SGCD: variants seen among roughly 807,000 people sequenced by gnomAD.
The protein encoded by SGCD is sarcoglycan delta.
SGCD carries 18 observed loss-of-function variants against 36.6 expected under a neutral mutation model. The observed-to-expected ratio is 0.49, with a 90% CI of 0.34 to 0.73. The LOEUF (loss-of-function observed/expected upper bound fraction) is 0.73. SGCD is among the 30% of genes least tolerant of loss of function. The pLI, the probability that SGCD is intolerant of heterozygous loss-of-function variation, is 0.01. For missense variants in SGCD, 387 were observed against 346.7 expected, an observed-to-expected ratio of 1.12 and a Z score of -0.92; for synonymous variants, 133 against 130.6, an observed-to-expected ratio of 1.02 and a Z score of -0.12.
At chr5:156,038,979 C>T (rs1281938849) in intron 1 of SGCD, among the ~76,000 whole-genome samples, 1 of 152,126 alleles carries the variant, frequency 6.6e-6, no homozygotes, top group Non-Finnish European at 1.5e-5. Flanking sequence ...CCTGCTTGCT[C>T]GCTCTTCAAT....
intron 3 of SGCD, among the ~76,000 whole-genome samples, chr5:156,251,905 A>G (rs1240518784): frequency 2.0e-5 from 3 of 152,074 alleles, no homozygotes; most frequent in Non-Finnish European, 4.4e-5. Flanking sequence ...CTCCTCATTA[A>G]CCTTGGACCA....
chr5:155,898,812 ACT>A (rs1402165807), intron 1 of SGCD, among the ~76,000 whole-genome samples: 1 of 152,000 alleles, frequency 6.6e-6, no homozygotes, highest in Non-Finnish European at 1.5e-5. Flanking sequence ...AGAGAAGGAA[ACT>A]CTCTTAACAC....
intron 1 of SGCD, among the ~76,000 whole-genome samples, chr5:155,890,376 C>A (rs1161186741): frequency 6.6e-6 from 1 of 152,128 alleles, no homozygotes; most frequent in Non-Finnish European, 1.5e-5. Context: ...GTAATCCCAG[C>A]ACTTTGGGAG....
chr5:156,069,768 A>G (rs891785972), intron 1 of SGCD, among the ~76,000 whole-genome samples: 1 of 92,618 alleles, frequency 1.1e-5, no homozygotes, highest in Non-Finnish European at 2.2e-5. Context: ...ATGGAATGAA[A>G]ATGTTCTTCC....
At chr5:155,985,706 A>C (rs886760520) in intron 1 of SGCD, among the ~76,000 whole-genome samples, 69 of 152,304 alleles carry the variant, frequency 4.5e-4, no homozygotes, top group Non-Finnish European at 5.9e-5. Context: ...TTCCCTAGAA[A>C]CAAAGCTAAT....
chr5:156,575,979 G>A (rs1307754562), intron 4 of SGCD, among the ~76,000 whole-genome samples: 7 of 152,104 alleles, frequency 4.6e-5, no homozygotes, highest in Non-Finnish European at 7.4e-5. Context: ...CAACATGCAG[G>A]TTTGTTACAT....
At chr5:156,568,726 G>A (rs983419530) in intron 4 of SGCD, among the ~76,000 whole-genome samples, 1 of 152,236 alleles carries the variant, frequency 6.6e-6, no homozygotes, top group African/African-American at 2.4e-5. Context: ...GATTTGCTTA[G>A]TGAATGTCAG....
intron 1 of SGCD, among the ~76,000 whole-genome samples, chr5:156,089,750 G>T (rs1367349879): frequency 6.6e-6 from 1 of 152,210 alleles, no homozygotes; most frequent in African/African-American, 2.4e-5. Context: ...CATAAAACAT[G>T]TCCTTGCATT....
chr5:156,546,890 G>C (rs77210148), intron 4 of SGCD, among the ~76,000 whole-genome samples: 2,675 of 152,194 alleles, frequency 0.018, 31 homozygotes, highest in Non-Finnish European at 0.029. Context: ...ATCAGGAGGA[G>C]GTCCTTGATG....
chr5:156,749,997 A>AAAAG (rs1757092482), intron 7 of SGCD, among the ~76,000 whole-genome samples: 2 of 152,194 alleles, frequency 1.3e-5, no homozygotes, highest in African/African-American at 2.4e-5. Context: ...AAATATATAG[A>AAAAG]AAAGATAATA....
At chr5:156,060,379 C>T (rs9313786) in intron 1 of SGCD, among the ~76,000 whole-genome samples, 2,963 of 146,298 alleles carry the variant, frequency 0.02, 268 homozygotes, top group African/African-American at 0.068. Flanking sequence ...AATTGGTTTT[C>T]TGGATGATCA....
intron 3 of SGCD, among the ~76,000 whole-genome samples, chr5:156,447,100 G>T (rs2127801790): frequency 6.6e-6 from 1 of 152,246 alleles, no homozygotes; most frequent in East Asian, 1.9e-4. Context: ...GTCGTTAAAG[G>T]TCTGCAGGGA....
At chr5:156,689,572 G>A (rs1754036721) in intron 7 of SGCD, among the ~76,000 whole-genome samples, 4 of 152,124 alleles carry the variant, frequency 2.6e-5, no homozygotes. Context: ...AAGGGAAGTA[G>A]GAAGCATAAT....
At chr5:156,757,070 TAAAG>T (rs1172337534) in intron 7 of SGCD, among the ~76,000 whole-genome samples, 1 of 151,586 alleles carries the variant, frequency 6.6e-6, no homozygotes, top group African/African-American at 2.4e-5. Context: ...AAAGAGGAGG[TAAAG>T]AAAGACTTAC....
intron 7 of SGCD, among the ~76,000 whole-genome samples, chr5:156,651,029 T>C (rs1426945718): frequency 6.6e-6 from 1 of 152,206 alleles, no homozygotes; most frequent in Non-Finnish European, 1.5e-5. Context: ...TGATGTGAGA[T>C]AGTATCTCAT....
At chr5:156,644,220 G>A (rs1339621095) in intron 6 of SGCD, among the ~76,000 whole-genome samples, 1 of 152,084 alleles carries the variant, frequency 6.6e-6, no homozygotes, top group Non-Finnish European at 1.5e-5. Context: ...GATGCTATTT[G>A]CTGTCCTAGT....
At chr5:156,703,641 T>G (rs1754618005) in intron 7 of SGCD, among the ~76,000 whole-genome samples, 1 of 152,180 alleles carries the variant, frequency 6.6e-6, no homozygotes, top group African/African-American at 2.4e-5. Flanking sequence ...ACTTGAACAT[T>G]TATTATGTAC....
chr5:156,211,733 A>C (rs1417755632), intron 3 of SGCD, among the ~76,000 whole-genome samples: 2 of 152,144 alleles, frequency 1.3e-5, no homozygotes, highest in Non-Finnish European at 2.9e-5. Flanking sequence ...AATATAAGGA[A>C]TGATGGTATA....
At chr5:155,994,501 G>C (rs1371294274) in intron 1 of SGCD, among the ~76,000 whole-genome samples, 1 of 152,158 alleles carries the variant, frequency 6.6e-6, no homozygotes, top group African/African-American at 2.4e-5. Flanking sequence ...ATTTGGTAAC[G>C]ATGTGATGTT....
Sources: allele counts gnomAD v4.1 joint callset (sites outside exome capture counted in the v4.1 genomes callset), GRCh38; gene constraint gnomAD v4.1.1; transcripts MANE v1.5; gene names NCBI Gene and HGNC (gene_info 2026-07-23, HGNC 2026-07-21).